Variants in NME7 observed in about 807,000 individuals in gnomAD.
NME7 encodes nucleoside diphosphate kinase 7.
A neutral mutation model predicts 49.1 loss-of-function variants in NME7; 41 were observed. That is an observed-to-expected ratio of 0.83 (90% CI 0.65 to 1.08). NME7 has a LOEUF of 1.08. NME7 is among the 50% of genes least tolerant of loss of function. The pLI is 0.00. For synonymous variants in NME7, 139 were observed against 150.6 expected, an observed-to-expected ratio of 0.92 and a Z score of 0.56; for missense variants, 423 against 463.4, an observed-to-expected ratio of 0.91 and a Z score of 0.80.
intron 1 of NME7, among the ~76,000 whole-genome samples, chr1:169,339,138 G>T (rs35003708): frequency 0.032 from 4,843 of 152,144 alleles, 95 homozygotes; most frequent in South Asian, 0.059. Flanking sequence ...TTGACAAAAT[G>T]GCAAAAATCC....
chr1:169,211,235 C>T (rs776690848), intron 10 of NME7, among the ~76,000 whole-genome samples: 1 of 152,128 alleles, frequency 6.6e-6, no homozygotes, highest in Non-Finnish European at 1.5e-5. Flanking sequence ...TAATTTACCA[C>T]AGCACTATTT....
At chr1:169,203,305 C>T (rs183967762) in intron 10 of NME7, among the ~76,000 whole-genome samples, 3 of 152,310 alleles carry the variant, frequency 2.0e-5, no homozygotes, top group Non-Finnish European at 4.4e-5. Flanking sequence ...TTGTATTCAA[C>T]TGTACAAATG....
intron 10 of NME7, among the ~76,000 whole-genome samples, chr1:169,202,796 G>A (rs1476699905): frequency 6.6e-6 from 1 of 152,094 alleles, no homozygotes; most frequent in African/African-American, 2.4e-5. Flanking sequence ...TGGAGGGAGG[G>A]GTAAAGGGAA....
chr1:169,336,731 C>A (rs1485471302), intron 1 of NME7, among the ~76,000 whole-genome samples: 1 of 151,136 alleles, frequency 6.6e-6, no homozygotes, highest in African/African-American at 2.4e-5. Context: ...TACAGAGTGT[C>A]CATTGGTGCA....
intron 1 of NME7, among the ~76,000 whole-genome samples, chr1:169,347,155 A>G (rs1441138860): frequency 2.6e-5 from 4 of 152,178 alleles, no homozygotes; most frequent in Non-Finnish European, 5.9e-5. Flanking sequence ...AGTTATGACC[A>G]TACCCCTGCG....
chr1:169,356,355 G>C (rs1653467577), intron 1 of NME7, among the ~76,000 whole-genome samples: 1 of 152,134 alleles, frequency 6.6e-6, no homozygotes, highest in South Asian at 2.1e-4. Flanking sequence ...GGGGGACAGA[G>C]AGCAACTGGA....
chr1:169,203,128 A>C (rs559106254), intron 10 of NME7, among the ~76,000 whole-genome samples: 1 of 152,256 alleles, frequency 6.6e-6, no homozygotes, highest in Non-Finnish European at 1.5e-5. Context: ...CAGGCTTGCA[A>C]TGGAAAATTC....
intron 11 of NME7, among the ~76,000 whole-genome samples, chr1:169,156,981 C>T (rs1207410220): frequency 1.3e-5 from 2 of 152,240 alleles, no homozygotes; most frequent in Non-Finnish European, 2.9e-5. Context: ...TCGCTTTCCA[C>T]ATGCACATAT....
intron 7 of NME7, among the ~76,000 whole-genome samples, chr1:169,244,552 C>T (rs976218356): frequency 1.3e-4 from 19 of 146,932 alleles, no homozygotes; most frequent in Admixed American, 9.2e-4. Context: ...AGGAGGATGG[C>T]GTGAACCTGG....
chr1:169,291,585 G>A (rs1478876884), intron 6 of NME7, among the ~76,000 whole-genome samples: 1 of 151,772 alleles, frequency 6.6e-6, no homozygotes, highest in Non-Finnish European at 1.5e-5. Flanking sequence ...AAACCACCAT[G>A]GCACGTGTAT....
intron 11 of NME7, among the ~76,000 whole-genome samples, chr1:169,167,806 C>A (rs1659458731): frequency 6.6e-6 from 1 of 152,118 alleles, no homozygotes; most frequent in South Asian, 2.1e-4. Flanking sequence ...GAAAAGAAAT[C>A]ATTTATACAA....
intron 1 of NME7, among the ~76,000 whole-genome samples, chr1:169,353,826 A>C (rs1372617387): frequency 2.0e-5 from 3 of 152,164 alleles, no homozygotes; most frequent in Non-Finnish European, 4.4e-5. Context: ...ATCATGAGAA[A>C]AATGCAAATC....
chr1:169,139,123 G>A (rs1387774643), intron 11 of NME7, among the ~76,000 whole-genome samples: 1 of 152,136 alleles, frequency 6.6e-6, no homozygotes, highest in East Asian at 1.9e-4. Context: ...ATCTCAGTGT[G>A]AACTTAGTCA....
chr1:169,134,559 G>T (rs1571233459), intron 11 of NME7, among the ~76,000 whole-genome samples: 2 of 152,246 alleles, frequency 1.3e-5, no homozygotes, highest in South Asian at 4.1e-4. Flanking sequence ...ATTCTCGGAA[G>T]GAAAACTGAA....
chr1:169,205,643 A>G (rs188234067), intron 10 of NME7, among the ~76,000 whole-genome samples: 40 of 152,208 alleles, frequency 2.6e-4, no homozygotes, highest in Non-Finnish European at 4.4e-4. Flanking sequence ...AAAGCACCAC[A>G]TGTCAAGTAC....
intron 1 of NME7, among the ~76,000 whole-genome samples, chr1:169,345,525 T>C (rs1239987355): frequency 6.6e-6 from 1 of 152,052 alleles, no homozygotes; most frequent in African/African-American, 2.4e-5. Flanking sequence ...ACCATCACAC[T>C]CTGCCTTTTT....
intron 7 of NME7, among the ~76,000 whole-genome samples, chr1:169,262,847 C>G (rs1313878866): frequency 7.5e-6 from 1 of 133,868 alleles, no homozygotes; most frequent in African/African-American, 2.5e-5. Flanking sequence ...CCCATGTCCC[C>G]CCAGGAAGCA....
intron 1 of NME7, among the ~76,000 whole-genome samples, chr1:169,362,378 T>C (rs1467238944): frequency 1.3e-5 from 2 of 152,220 alleles, no homozygotes; most frequent in Non-Finnish European, 2.9e-5. Context: ...AGATACATAA[T>C]ATTAATATCT....
intron 10 of NME7, among the ~76,000 whole-genome samples, chr1:169,219,702 C>CAAT (rs1247070574): frequency 6.6e-6 from 1 of 152,124 alleles, no homozygotes; most frequent in Non-Finnish European, 1.5e-5. Context: ...ACCCAGCCTA[C>CAAT]AATACATTAT....
Sources: gnomAD v4.1 joint callset for allele counts (sites outside exome capture counted in the v4.1 genomes callset) on GRCh38, gnomAD v4.1.1 for gene constraint, MANE v1.5 for transcripts, NCBI Gene and HGNC (gene_info 2026-07-23, HGNC 2026-07-21) for gene names.